TMEM117: variants seen among roughly 807,000 people sequenced by gnomAD.
The protein encoded by TMEM117 is transmembrane protein 117.
TMEM117 carries 27 observed loss-of-function variants against 52.4 expected under a neutral mutation model. That is an observed-to-expected ratio of 0.51 (90% CI 0.38 to 0.71). TMEM117 has a LOEUF of 0.71. Among genes scored for constraint, TMEM117 ranks in the 30% least tolerant of loss-of-function variants. TMEM117 has a pLI of 0.00. For synonymous variants in TMEM117, 215 were observed against 206.3 expected, an observed-to-expected ratio of 1.04 and a Z score of -0.36; for missense variants, 556 against 630.5, an observed-to-expected ratio of 0.88 and a Z score of 1.26.
chr12:44,181,449 A>C (rs930637187), intron 4 of TMEM117, among the ~76,000 whole-genome samples: 1 of 150,820 alleles, frequency 6.6e-6, no homozygotes, highest in Non-Finnish European at 1.5e-5. Flanking sequence ...CCTGAATGGT[A>C]ATGCCTAGGT....
intron 3 of TMEM117, among the ~76,000 whole-genome samples, chr12:43,971,888 T>C (rs1945593329): frequency 6.6e-6 from 1 of 152,236 alleles, no homozygotes; most frequent in Non-Finnish European, 1.5e-5. Flanking sequence ...CTTATACTCA[T>C]TGATTAGTAA....
At chr12:44,217,902 A>G (rs758116431) in intron 5 of TMEM117, among the ~76,000 whole-genome samples, 7 of 152,154 alleles carry the variant, frequency 4.6e-5, no homozygotes, top group Non-Finnish European at 8.8e-5. Context: ...ACCCTGATGA[A>G]CAGAGTTGCA....
intron 6 of TMEM117, among the ~76,000 whole-genome samples, chr12:44,317,002 C>CT (rs1202276425): frequency 0.072 from 8,795 of 121,426 alleles, 330 homozygotes; most frequent in African/African-American, 0.081. Context: ...TTTTCTTTTT[C>CT]TTTTTTTTTT....
intron 3 of TMEM117, among the ~76,000 whole-genome samples, chr12:44,104,120 A>G (rs1420748987): frequency 6.6e-6 from 1 of 152,012 alleles, no homozygotes; most frequent in Non-Finnish European, 1.5e-5. Context: ...ACTCATTACT[A>G]CTATTTCAAC....
At chr12:44,319,389 T>C (rs924668401) in intron 6 of TMEM117, among the ~76,000 whole-genome samples, 4 of 152,120 alleles carry the variant, frequency 2.6e-5, no homozygotes, top group South Asian at 2.1e-4. Flanking sequence ...TGGATCCCCA[T>C]TGGAAAAGTG....
intron 6 of TMEM117, among the ~76,000 whole-genome samples, chr12:44,339,935 A>T (rs1040159836): frequency 1.3e-5 from 2 of 152,078 alleles, no homozygotes; most frequent in African/African-American, 4.8e-5. Context: ...GAAGAAATAT[A>T]TATGCAAAGT....
At chr12:44,303,976 C>T (rs1441665820) in intron 6 of TMEM117, among the ~76,000 whole-genome samples, 2 of 152,144 alleles carry the variant, frequency 1.3e-5, no homozygotes, top group Non-Finnish European at 2.9e-5. Flanking sequence ...TTCCAGTGAT[C>T]GTCCCCCTAT....
chr12:44,201,576 A>G (rs1179742976), intron 4 of TMEM117, among the ~76,000 whole-genome samples: 1 of 152,200 alleles, frequency 6.6e-6, no homozygotes, highest in East Asian at 1.9e-4. Context: ...TAAAAAGTAT[A>G]CTTTATAAAA....
chr12:44,172,155 C>A (rs1054171261), intron 4 of TMEM117, among the ~76,000 whole-genome samples: 2 of 152,140 alleles, frequency 1.3e-5, no homozygotes, highest in Admixed American at 6.5e-5. Context: ...TTCATGGGTT[C>A]TTTTAGGATT....
chr12:43,959,033 T>G (rs1181980059), intron 3 of TMEM117, among the ~76,000 whole-genome samples: 1 of 152,090 alleles, frequency 6.6e-6, no homozygotes, highest in Non-Finnish European at 1.5e-5. Context: ...GGTCTTGATC[T>G]CCTGACCTCG....
rs772498986 is a variant in TMEM117 at position 43,997,895 on chromosome 12, C to T, written c.410+53553C>T. Among the ~76,000 whole-genome samples the T allele has an allele frequency of 4.8e-4, 73 of 152,242 alleles. No individual in the cohort carries two copies. In the Middle Eastern group the frequency reaches 0.034, roughly 71 times the overall value. ...ATCACATACCTAGTAAGTGTTGGTG[C>T]CCAGATTTGAATCCAGTTCAATCTC... On this transcript the variant is annotated intron_variant, in intron 3 of 7. Coordinates refer to ENST00000266534, the MANE Select transcript of TMEM117 (RefSeq NM_032256.3).
chr12:44,243,287 T>C (rs1385347128), intron 5 of TMEM117, among the ~76,000 whole-genome samples: 6 of 151,976 alleles, frequency 3.9e-5, no homozygotes, highest in African/African-American at 1.4e-4. Flanking sequence ...TTATCAGATT[T>C]AGGTCAGAAT....
chr12:43,868,243 T>C (rs1943643178), intron 2 of TMEM117, among the ~76,000 whole-genome samples: 1 of 144,118 alleles, frequency 6.9e-6, no homozygotes, highest in African/African-American at 2.5e-5. Flanking sequence ...ATTTAGAAAT[T>C]AAAAAACACA....
intron 5 of TMEM117, among the ~76,000 whole-genome samples, chr12:44,259,131 A>C (rs1266807366): frequency 6.6e-6 from 1 of 152,132 alleles, no homozygotes; most frequent in Non-Finnish European, 1.5e-5. Context: ...GTTTCTTACT[A>C]AACTGCATAG....
intron 1 of TMEM117, among the ~76,000 whole-genome samples, chr12:43,838,537 G>GTTTT (rs780135058): frequency 3.2e-5 from 3 of 93,344 alleles, no homozygotes; most frequent in Non-Finnish European, 6.3e-5. Context: ...GAGTCTTCCA[G>GTTTT]TTTTTTTTTT....
intron 6 of TMEM117, among the ~76,000 whole-genome samples, chr12:44,324,901 G>A (rs1205095281): frequency 6.6e-6 from 1 of 152,088 alleles, no homozygotes. Flanking sequence ...AAGATATGGT[G>A]ATTATTTTCT....
At chr12:44,315,150 G>T (rs1447072904) in intron 6 of TMEM117, among the ~76,000 whole-genome samples, 1 of 151,902 alleles carries the variant, frequency 6.6e-6, no homozygotes, top group East Asian at 1.9e-4. Flanking sequence ...TCTTTTATTT[G>T]TTAATCTAGC....
At chr12:44,201,465 C>A (rs2069967727) in intron 4 of TMEM117, among the ~76,000 whole-genome samples, 1 of 152,002 alleles carries the variant, frequency 6.6e-6, no homozygotes, top group South Asian at 2.1e-4. Flanking sequence ...AAAGACTGAA[C>A]AGAACAAAGG....
intron 3 of TMEM117, among the ~76,000 whole-genome samples, chr12:43,977,752 G>A (rs918565222): frequency 2.0e-5 from 3 of 152,052 alleles, no homozygotes; most frequent in African/African-American, 7.2e-5. Flanking sequence ...TGTTCCACAT[G>A]TGGCAAAATA....
Sources: allele counts gnomAD v4.1 joint callset (sites outside exome capture counted in the v4.1 genomes callset), GRCh38; gene constraint gnomAD v4.1.1; transcripts MANE v1.5; gene names NCBI Gene and HGNC (gene_info 2026-07-23, HGNC 2026-07-21).